The following PARD3B variants were observed in gnomAD, a reference collection of about 807,000 sequenced individuals.
PARD3B encodes the protein partitioning defective 3 homolog B.
In PARD3B, 103 loss-of-function variants were observed where a neutral mutation model predicts 130.2. The observed-to-expected ratio is 0.79, with a 90% CI of 0.67 to 0.93. The LOEUF (loss-of-function observed/expected upper bound fraction) is 0.93, where lower values mean the gene tolerates loss of function less well. PARD3B is among the 40% of genes least tolerant of loss of function. PARD3B has a pLI of 0.00. For synonymous variants in PARD3B, 583 were observed against 553.2 expected (o/e 1.05, Z -0.76); for missense variants, 1,609 against 1,499.2 (o/e 1.07, Z -1.21).
intron 22 of PARD3B, among the ~76,000 whole-genome samples, chr2:205,605,786 G>A (rs59142468): frequency 0.014 from 2,198 of 152,348 alleles, 85 homozygotes; most frequent in East Asian, 0.14. Flanking sequence ...AAGGGAGTGT[G>A]CTGCACTGGG....
intron 18 of PARD3B, among the ~76,000 whole-genome samples, chr2:205,373,397 G>A (rs557440346): frequency 1.3e-5 from 2 of 152,166 alleles, no homozygotes; most frequent in South Asian, 4.2e-4. Flanking sequence ...ATGTCTATTA[G>A]AATTTTTCAC....
chr2:205,326,166 A>T (rs1272156770), intron 18 of PARD3B, among the ~76,000 whole-genome samples: 1 of 152,166 alleles, frequency 6.6e-6, no homozygotes, highest in Non-Finnish European at 1.5e-5. Flanking sequence ...TATACCTCCT[A>T]TTAGAAAATT....
In PARD3B at chr2:204,699,753, CTTTCCCAAATGGAAACTTA is replaced by C. The variant is rs146514993; in HGVS notation, c.222+13487_222+13505del. ...CAACACTCAAACTATTTACATGACT[CTTTCCCAAATGGAAACTTA>C]TTTCCCAAATGGAAATAAGGAAGTT... is the stretch of plus-strand genomic sequence containing the variant. On this transcript the variant is annotated intron_variant, in intron 2 of 22. Transcript: ENST00000406610. Among the ~76,000 whole-genome samples, 525 of 152,182 alleles carry C rather than the reference CTTTCCCAAATGGAAACTTA, an allele frequency of 3.4e-3. 3 individuals are homozygous for C. The highest frequency in any genetic ancestry group is 0.012 in the African/African-American group (485 of 41,526).
chr2:204,627,506 C>G (rs756957722), intron 1 of PARD3B, among the ~76,000 whole-genome samples: 2 of 152,014 alleles, frequency 1.3e-5, no homozygotes, highest in Non-Finnish European at 2.9e-5. Context: ...TAGAAAATTC[C>G]CTTATAACCC....
intron 3 of PARD3B, among the ~76,000 whole-genome samples, chr2:204,974,877 A>G (rs1559316518): frequency 6.6e-6 from 1 of 152,234 alleles, no homozygotes; most frequent in Non-Finnish European, 1.5e-5. Context: ...TTTATTGATA[A>G]CCCAGTAGAT....
At position 205,584,225 on chromosome 2, in the gene PARD3B, G is replaced by T. The variant is rs1468824736; in HGVS notation, c.3260+30822G>T. ...GCTTTAAATGTAAAATGCACACCAGGTCCCAAGACTTAATGCCAAAAGCAA... is the reference window on the plus strand; with the variant it reads ...GCTTTAAATGTAAAATGCACACCAGTTCCCAAGACTTAATGCCAAAAGCAA... On this transcript the variant is annotated intron_variant, in intron 22 of 22. Transcript: ENST00000406610. The surrounding 1 kb of genome is among the most constrained non-coding windows in gnomAD (Gnocchi z 5.5). Among the ~76,000 whole-genome samples the T allele has an allele frequency of 6.6e-6, 1 of 152,074 alleles. No homozygotes were observed. Among genetic ancestry groups the T allele is most frequent in the Non-Finnish European group, 1.5e-5 (1 of 68,026 alleles).
chr2:204,878,120 C>T (rs1302011046), intron 2 of PARD3B, among the ~76,000 whole-genome samples: 1 of 152,040 alleles, frequency 6.6e-6, no homozygotes, highest in Non-Finnish European at 1.5e-5. Flanking sequence ...TTTGTTGGCA[C>T]TGTAAAGAAA....
In PARD3B at chr2:205,553,314, C is replaced by G. The variant is rs200705594; in HGVS notation, c.3181-10C>G. 546 of 1,612,350 alleles carry G rather than the reference C, an allele frequency of 3.4e-4. 2 individuals are homozygous for G. In the Middle Eastern group the frequency reaches 4.1e-3, roughly 12 times the overall value. The stretch of plus-strand genomic sequence containing the variant: ...TGGATCTTCATCTCTAATTGCTTTT[C>G]TCTCCACAGGTGCCTGGAAGGGGTC... On this transcript the variant is annotated splice_polypyrimidine_tract_variant and intron_variant, in intron 21 of 22. Transcript: ENST00000406610.
Position 204,747,829 on chromosome 2 carries a change from T to C in PARD3B, c.222+61547T>C, listed in dbSNP as rs564078302. On this transcript the variant is annotated intron_variant, in intron 2 of 22. Transcript: ENST00000406610. ...ATTAAAAATAAAAATTTATAAGATA[T>C]AGGATGTAATCAAGGGTAGGTTAGC... Among the ~76,000 whole-genome samples, 8 of 152,236 alleles carry C rather than the reference T, an allele frequency of 5.3e-5. No individual in the cohort carries two copies. In the East Asian group the frequency reaches 1.5e-3, roughly 29 times the overall value.
intron 1 of PARD3B, among the ~76,000 whole-genome samples, chr2:204,627,239 C>G (rs1423811109): frequency 6.6e-6 from 1 of 152,120 alleles, no homozygotes; most frequent in Non-Finnish European, 1.5e-5. Context: ...TGGGTACTAT[C>G]TTTATGGCAG....
chr2:205,381,075 A>AT (rs2045408541), intron 18 of PARD3B, among the ~76,000 whole-genome samples: 1 of 43,406 alleles, frequency 2.3e-5, no homozygotes, highest in African/African-American at 1.0e-4. Context: ...TATATTATAT[A>AT]TATTATATAT....
At chr2:205,474,861 C>T (rs1008925451) in intron 20 of PARD3B, among the ~76,000 whole-genome samples, 1 of 152,096 alleles carries the variant, frequency 6.6e-6, no homozygotes, top group Non-Finnish European at 1.5e-5. Flanking sequence ...AGTACTGTAT[C>T]ATTTTACATT....
In PARD3B at chr2:205,301,840, G is replaced by A. The variant is rs750941127; in HGVS notation, c.2630+139G>A. On this transcript the variant is annotated intron_variant, in intron 18 of 22. Coordinates refer to ENST00000406610, the MANE Select transcript of PARD3B (RefSeq NM_001302769.2). This position sits in a 1 kb window ranked among gnomAD's most constrained non-coding sequence, Gnocchi z 5.2. Reference sequence around the variant, plus strand: ...GCATACGGCTCTCAATTCTGTGCTCGTTCTCTTTCTGCAGAGGCAGAGGAG... The same window carrying A: ...GCATACGGCTCTCAATTCTGTGCTCATTCTCTTTCTGCAGAGGCAGAGGAG... The A allele has an allele frequency of 2.0e-5, 27 of 1,361,096 alleles. No homozygotes were observed. Among genetic ancestry groups the A allele is most frequent in the South Asian group, 4.7e-5 (4 of 85,820 alleles). The allele number at this position is 1,361,096 out of a possible 1,614,324, so 84.3% of individuals were successfully genotyped here.
At chr2:205,483,205 A>C (rs1201000005) in intron 20 of PARD3B, among the ~76,000 whole-genome samples, 1 of 152,216 alleles carries the variant, frequency 6.6e-6, no homozygotes, top group African/African-American at 2.4e-5. Flanking sequence ...TTCATAGGGA[A>C]TGGAACACTT....
At chr2:204,835,407 C>G (rs1272621275) in intron 2 of PARD3B, among the ~76,000 whole-genome samples, 4 of 152,128 alleles carry the variant, frequency 2.6e-5, no homozygotes, top group Non-Finnish European at 4.4e-5. Context: ...AGTATGGTTT[C>G]TATCTGACGT....
rs1189923365 is a variant in PARD3B, at chr2:204,623,158, AATTATAG to A, written c.121-63019_121-63013del. ...TTTTTAAAACTCTTTGTTTTGAAAT[AATTATAG>A]ATTCACAGGAAATTTCAAAGATACC... On this transcript the variant is annotated intron_variant, in intron 1 of 22. Coordinates refer to ENST00000406610, the MANE Select transcript of PARD3B (RefSeq NM_001302769.2). This position sits in a 1 kb window ranked among gnomAD's most constrained non-coding sequence, Gnocchi z 4.5. 1.3e-5 allele frequency among the ~76,000 whole-genome samples: 2 copies of A among 152,124 alleles called. No individual in the cohort carries two copies. Among genetic ancestry groups the A allele is most frequent in the East Asian group, 3.8e-4 (2 of 5,198 alleles).
At chr2:204,676,489 G>T (rs1051458314) in intron 1 of PARD3B, among the ~76,000 whole-genome samples, 4 of 151,968 alleles carry the variant, frequency 2.6e-5, no homozygotes, top group African/African-American at 9.7e-5. Context: ...AAGCCCTAAG[G>T]ATCTTTGAGG....
chr2:205,364,590 C>A (rs1205003833), intron 18 of PARD3B, among the ~76,000 whole-genome samples: 1 of 152,172 alleles, frequency 6.6e-6, no homozygotes, highest in Non-Finnish European at 1.5e-5. Flanking sequence ...CTCTAAGATT[C>A]ATTTTGTTCA....
intron 1 of PARD3B, among the ~76,000 whole-genome samples, chr2:204,580,882 A>T (rs1266467284): frequency 6.6e-6 from 1 of 152,168 alleles, no homozygotes; most frequent in Non-Finnish European, 1.5e-5. Context: ...TTGGAAGCAA[A>T]CATATCTTTT....
Sources: gnomAD v4.1 joint callset for allele counts (sites outside exome capture counted in the v4.1 genomes callset) on GRCh38, gnomAD v4.1.1 for gene constraint, Gnocchi (gnomAD v3.1) non-coding constraint, MANE v1.5 for transcripts, NCBI Gene and HGNC (gene_info 2026-07-23, HGNC 2026-07-21) for gene names.